The following LECT2 variants were observed in gnomAD, a reference collection of about 807,000 sequenced individuals.
LECT2 encodes leukocyte cell-derived chemotaxin-2.
A neutral mutation model predicts 16.6 loss-of-function variants in LECT2; 11 were observed. The ratio of observed to expected loss-of-function variants is 0.66; its 90% CI spans 0.42 to 1.09. LECT2 has a LOEUF of 1.09. Ranked by LOEUF, LECT2 falls within the 50% of genes least tolerant of loss-of-function variation. LECT2 has a pLI of 0.00. For synonymous variants in LECT2, 54 were observed against 64.8 expected (o/e 0.83, Z 0.80); for missense variants, 173 against 184.2 (o/e 0.94, Z 0.35).
intron 3 of LECT2, among the ~76,000 whole-genome samples, chr5:135,948,686 T>TTTA (rs1580672526): frequency 7.0e-6 from 1 of 142,486 alleles, no homozygotes; most frequent in East Asian, 2.1e-4. Context: ...ATTATTATTA[T>TTTA]TTTTTTGAGA....
At chr5:135,950,208 CA>C (rs1174262069) in intron 3 of LECT2, among the ~76,000 whole-genome samples, 1 of 152,024 alleles carries the variant, frequency 6.6e-6, no homozygotes, top group Non-Finnish European at 1.5e-5. Flanking sequence ...GGAAACTGCC[CA>C]AAAGTCCATC....
chr5:135,949,603 C>A (rs1331126963), intron 3 of LECT2, among the ~76,000 whole-genome samples: 1 of 152,206 alleles, frequency 6.6e-6, no homozygotes. Flanking sequence ...CCTGCTAAAC[C>A]GTTGCAGGTC....
chr5:135,947,320 T>C lies in LECT2; in HGVS notation c.*11A>G, dbSNP rs776439767. ...CTTTTTATTTTGAAGATCTGACCAT[T>C]GGCCTTCGATTTACAGGTATGCAGT... On this transcript the variant is annotated 3_prime_UTR_variant, in exon 4 of 4. Transcript: ENST00000274507. 17 of 1,611,946 alleles carry C rather than the reference T, an allele frequency of 1.1e-5. No homozygotes were observed. In the East Asian group the frequency reaches 3.8e-4, roughly 36 times the overall value.
intron 2 of LECT2, 24 bp downstream of exon 2, chr5:135,952,847 G>T: frequency 6.5e-7 from 1 of 1,546,816 alleles, no homozygotes; most frequent in Non-Finnish European, 8.9e-7. Flanking sequence ...AAAGGGTTGG[G>T]TGGGTGGTTG....
chr5:135,952,267 T>G (rs1409345184), intron 2 of LECT2, among the ~76,000 whole-genome samples: 1 of 152,244 alleles, frequency 6.6e-6, no homozygotes, highest in East Asian at 1.9e-4. Context: ...ATCAGTGATA[T>G]GACTGGACAC....
rs1580671683 is a variant in LECT2 at position 135,947,376 on chromosome 5, C to T, written c.411G>A (p.Val137=). The change falls in exon 4 of 4, where the codon GTG becomes GTA. Residue 137 remains valine, a synonymous_variant. Coordinates refer to ENST00000274507, the MANE Select transcript of LECT2 (RefSeq NM_002302.3). Reference sequence around the variant, plus strand: ...CACTCGAGTCACAGTTTTCAATGTGCACATGCGATTGTATGCCAGGATAAA... The same window carrying T: ...CACTCGAGTCACAGTTTTCAATGTGTACATGCGATTGTATGCCAGGATAAA... ...QKVYPGIQSH[V]HIENCDSSDP... is the part of the protein sequence containing the mutation. 6.2e-7 allele frequency: 1 copy of T among 1,613,994 alleles called. No individual in the cohort carries two copies. The highest frequency in any genetic ancestry group is 2.2e-5 in the East Asian group (1 of 44,866).
chr5:135,954,759 A>C (rs1763838454), intron 1 of LECT2, 29 bp downstream of exon 1: 3 of 1,550,838 alleles, frequency 1.9e-6, no homozygotes, highest in African/African-American at 2.7e-5. Flanking sequence ...AAAGTTAATC[A>C]ATATTCTAAA....
intron 3 of LECT2, among the ~76,000 whole-genome samples, 174 bp from the exon 4 acceptor site, chr5:135,947,671 A>G (rs1285272117): frequency 6.6e-6 from 1 of 152,230 alleles, no homozygotes; most frequent in Non-Finnish European, 1.5e-5. Context: ...CAAGATGCCA[A>G]AGGAAGAATA....
chr5:135,948,841 A>G (rs899770019), intron 3 of LECT2, among the ~76,000 whole-genome samples: 1 of 151,758 alleles, frequency 6.6e-6, no homozygotes, highest in Non-Finnish European at 1.5e-5. Context: ...CATCTGGCTA[A>G]TTTTTTGTAT....
intron 1 of LECT2, among the ~76,000 whole-genome samples, chr5:135,953,640 TAATAA>T (rs909891729): frequency 2.0e-5 from 3 of 152,210 alleles, no homozygotes; most frequent in African/African-American, 7.2e-5. Context: ...TAAGCAAAAA[TAATAA>T]AATAGCATGG....
chr5:135,954,953 C>G lies in LECT2; in HGVS notation c.-120G>C, dbSNP rs1337805790. The G allele has an allele frequency of 1.3e-5, 10 of 742,098 alleles. No homozygotes were observed. The highest frequency in any genetic ancestry group is 2.3e-5 in the Non-Finnish European group (10 of 434,474). The allele number at this position is 742,098 out of a possible 1,614,324, so 46.0% of individuals were successfully genotyped here. A position where few individuals can be genotyped will look rare whatever the true frequency, so the allele number is the denominator to read the frequency against. On this transcript the variant is annotated 5_prime_UTR_variant, in exon 1 of 4. The change abolishes an upstream ATG in the 5' untranslated region. Coordinates refer to ENST00000274507, the MANE Select transcript of LECT2 (RefSeq NM_002302.3). Reference sequence around the variant, plus strand: ...TTTAGCCTTAGAATTCTGCATCTCTCATTTCTTTAGTGTGAGACACAAAAA... The same window carrying G: ...TTTAGCCTTAGAATTCTGCATCTCTGATTTCTTTAGTGTGAGACACAAAAA...
chr5:135,947,584 A>T (rs1763723393), intron 3 of LECT2, 87 bp from the exon 4 acceptor site: 1 of 1,347,130 alleles, frequency 7.4e-7, no homozygotes, highest in Non-Finnish European at 9.8e-7. Context: ...CAAAAAATAA[A>T]AAAAAGAATG....
At chr5:135,953,055 C>T in intron 1 of LECT2, 88 bp from the exon 2 acceptor site, 1 of 825,472 alleles carries the variant, frequency 1.2e-6, no homozygotes, top group Non-Finnish European at 2.1e-6. Context: ...TTGATCCTGA[C>T]AATTCTGTTT....
In LECT2 at chr5:135,953,530, A is replaced by G. The variant is rs146096717; in HGVS notation, c.47-563T>C. Among the ~76,000 whole-genome samples the G allele has an allele frequency of 3.0e-3, 452 of 152,326 alleles. 2 individuals carry two copies. Among genetic ancestry groups the G allele is most frequent in the Non-Finnish European group, 3.3e-3 (224 of 68,018 alleles). On this transcript the variant is annotated intron_variant, in intron 1 of 3. Transcript: ENST00000274507. The stretch of plus-strand genomic sequence containing the variant: ...TGTTTCTTTATAAGCATTGGCCTCC[A>G]TCATTATACTTTGCTTCAGATCCAT...
At chr5:135,947,679 A>G (rs1411525061) in intron 3 of LECT2, among the ~76,000 whole-genome samples, 182 bp from the exon 4 acceptor site, 1 of 152,208 alleles carries the variant, frequency 6.6e-6, no homozygotes, top group African/African-American at 2.4e-5. Flanking sequence ...CAAAGGAAGA[A>G]TAGATTCAAA....
chr5:135,948,609 C>T (rs31526), intron 3 of LECT2, among the ~76,000 whole-genome samples: 111,954 of 150,092 alleles, frequency 0.75, 41,733 homozygotes, highest in South Asian at 0.81. Context: ...AAATAAAATA[C>T]TAAAATACCA....
At chr5:135,950,565 G>T (rs993908980) in intron 3 of LECT2, among the ~76,000 whole-genome samples, 37 of 152,154 alleles carry the variant, frequency 2.4e-4, no homozygotes, top group Non-Finnish European at 5.9e-5. Flanking sequence ...GATGTGTTGT[G>T]CACTTTTATG....
intron 3 of LECT2, among the ~76,000 whole-genome samples, chr5:135,950,593 A>C (rs1273746103): frequency 6.6e-6 from 1 of 151,768 alleles, no homozygotes; most frequent in South Asian, 2.1e-4. Flanking sequence ...TTATACCTTG[A>C]TGGAGTAACC....
rs1763839882 is a variant in LECT2, at chr5:135,954,871, G to A, written c.-38C>T. On this transcript the variant is annotated 5_prime_UTR_variant, in exon 1 of 4. Coordinates refer to ENST00000274507, the MANE Select transcript of LECT2 (RefSeq NM_002302.3). Reference sequence around the variant, plus strand: ...CCTTTAGTTTCTTCCTCTGATTAGAGTTGCCCCCACACTCTCTTTGAAGAA... The same window carrying A: ...CCTTTAGTTTCTTCCTCTGATTAGAATTGCCCCCACACTCTCTTTGAAGAA... 6.8e-7 allele frequency: 1 copy of A among 1,475,444 alleles called. No homozygotes were observed. The highest frequency in any genetic ancestry group is 1.7e-4 in the Middle Eastern group (1 of 5,806). The allele number at this position is 1,475,444 out of a possible 1,614,324, so 91.4% of individuals were successfully genotyped here.
Sources: allele counts gnomAD v4.1 joint callset (sites outside exome capture counted in the v4.1 genomes callset), GRCh38; gene constraint gnomAD v4.1.1; transcripts MANE v1.5; gene names NCBI Gene and HGNC (gene_info 2026-07-23, HGNC 2026-07-21).